PDS5A: variants seen among roughly 807,000 people sequenced by gnomAD.
The protein encoded by PDS5A is PDS5 cohesin associated factor A.
Under a neutral mutation model 167.1 loss-of-function variants are expected in PDS5A, and 42 were observed. The observed-to-expected ratio is 0.25, with a 90% CI of 0.20 to 0.33. PDS5A has a LOEUF of 0.33. PDS5A is among the 10% of genes least tolerant of loss of function. The pLI, the probability that PDS5A is intolerant of heterozygous loss-of-function variation, is 1.00. For missense variants in PDS5A, 1,033 were observed against 1,605.9 expected, an observed-to-expected ratio of 0.64 and a Z score of 6.10; for synonymous variants, 553 against 554.6, an observed-to-expected ratio of 1.00 and a Z score of 0.04.
chr4:39,942,725 A>C lies in PDS5A; in HGVS notation c.139-14561T>G, dbSNP rs75596635. ...ACAGGTATGAGTTACTACACCGTCA[A>C]CTTCCTCTTCTGAAGGGATCATTGA... On this transcript the variant is annotated intron_variant, in intron 2 of 32. Coordinates refer to ENST00000303538, the MANE Select transcript of PDS5A (RefSeq NM_001100399.2). Among the ~76,000 whole-genome samples, 3 of 152,258 alleles carry C rather than the reference A, an allele frequency of 2.0e-5. No individual in the cohort carries two copies. In the South Asian group the frequency reaches 6.2e-4, roughly 32 times the overall value.
At chr4:39,836,615 ATTTTTTTTTTT>A (rs71645192) in intron 32 of PDS5A, among the ~76,000 whole-genome samples, 2 of 106,162 alleles carry the variant, frequency 1.9e-5, no homozygotes, top group Non-Finnish European at 3.6e-5. Context: ...ATTTTTTTCT[ATTTTTTTTTTT>A]TTTTTTTTTG....
intron 26 of PDS5A, among the ~76,000 whole-genome samples, chr4:39,856,979 T>C (rs1718577145): frequency 6.6e-6 from 1 of 152,152 alleles, no homozygotes; most frequent in Non-Finnish European, 1.5e-5. Flanking sequence ...TGTGTCCATA[T>C]GCTATTGAAA....
At chr4:39,942,562 G>A (rs978498725) in intron 2 of PDS5A, among the ~76,000 whole-genome samples, 1 of 152,062 alleles carries the variant, frequency 6.6e-6, no homozygotes, top group African/African-American at 2.4e-5. Flanking sequence ...GAGAAGCTTG[G>A]ACTAAAGTCA....
chr4:39,942,115 C>T (rs1727279768), intron 2 of PDS5A, among the ~76,000 whole-genome samples: 1 of 151,736 alleles, frequency 6.6e-6, no homozygotes, highest in Admixed American at 6.6e-5. Context: ...TTCCTATGGC[C>T]GCATTCCTTA....
intron 5 of PDS5A, among the ~76,000 whole-genome samples, chr4:39,923,769 A>G (rs1725230059): frequency 6.6e-6 from 1 of 152,140 alleles, no homozygotes; most frequent in African/African-American, 2.4e-5. Context: ...ATACAATAAT[A>G]AAGGCAGACA....
intron 16 of PDS5A, among the ~76,000 whole-genome samples, chr4:39,894,609 A>G (rs1722237197): frequency 6.6e-6 from 1 of 152,166 alleles, no homozygotes; most frequent in Non-Finnish European, 1.5e-5. Flanking sequence ...GCTGAATAAA[A>G]GATACATGTT....
intron 17 of PDS5A, among the ~76,000 whole-genome samples, chr4:39,882,978 G>A (rs1424791830): frequency 6.6e-6 from 1 of 152,138 alleles, no homozygotes; most frequent in Non-Finnish European, 1.5e-5. Context: ...ACAGAAGGAA[G>A]AGTAGTAATG....
chr4:39,947,178 G>A (rs574995645), intron 2 of PDS5A, among the ~76,000 whole-genome samples: 2 of 152,290 alleles, frequency 1.3e-5, no homozygotes, highest in South Asian at 2.1e-4. Flanking sequence ...ACATGACCAG[G>A]CATGGTGGTT....
intron 2 of PDS5A, among the ~76,000 whole-genome samples, chr4:39,931,302 G>T (rs1726038661): frequency 6.6e-6 from 1 of 151,598 alleles, no homozygotes; most frequent in African/African-American, 2.4e-5. Context: ...GCCATATGGT[G>T]CCCAGGCTAA....
intron 32 of PDS5A, among the ~76,000 whole-genome samples, chr4:39,835,517 G>A (rs1183826999): frequency 6.6e-6 from 1 of 151,968 alleles, no homozygotes; most frequent in East Asian, 1.9e-4. Flanking sequence ...GCATGTATCC[G>A]TTTTTTTGTC....
intron 26 of PDS5A, among the ~76,000 whole-genome samples, chr4:39,852,867 T>A (rs1258267527): frequency 1.3e-5 from 2 of 152,226 alleles, no homozygotes; most frequent in Non-Finnish European, 2.9e-5. Context: ...CAACACGATT[T>A]CCTAATTCCT....
chr4:39,971,710 T>C (rs1444649721), intron 2 of PDS5A, among the ~76,000 whole-genome samples: 1 of 152,200 alleles, frequency 6.6e-6, no homozygotes, highest in Non-Finnish European at 1.5e-5. Context: ...TCCACCTGCC[T>C]TGGCCTCCCA....
chr4:39,959,271 T>C (rs967835774), intron 2 of PDS5A, among the ~76,000 whole-genome samples: 2 of 152,212 alleles, frequency 1.3e-5, no homozygotes, highest in South Asian at 2.1e-4. Context: ...GCCACTACTT[T>C]AGTAGGAAGT....
At chr4:39,882,862 G>A (rs1721079018) in intron 17 of PDS5A, among the ~76,000 whole-genome samples, 1 of 152,002 alleles carries the variant, frequency 6.6e-6, no homozygotes, top group Admixed American at 6.6e-5. Flanking sequence ...ACGATCTCAA[G>A]TGCCTCTTCA....
rs1339558860 is a variant in PDS5A, at chr4:39,914,598, A to G, written c.877-872T>C. On this transcript the variant is annotated intron_variant, in intron 8 of 32. Coordinates refer to ENST00000303538, the MANE Select transcript of PDS5A (RefSeq NM_001100399.2). ...GAAGGTCAGCTTAAATACTATAAAA[A>G]AGCAAAACTTCATTGTTTTCTAGTA... is the stretch of plus-strand genomic sequence containing the variant. Among the ~76,000 whole-genome samples, 4 of 152,342 alleles carry G rather than the reference A, an allele frequency of 2.6e-5. No individual in the cohort carries two copies. The East Asian group carries it at 7.7e-4, about 29-fold the overall frequency.
At chr4:39,917,240 T>A (rs1314519651) in intron 7 of PDS5A, 52 bp from the exon 8 acceptor site, 2 of 1,194,840 alleles carry the variant, frequency 1.7e-6, no homozygotes, top group Non-Finnish European at 1.2e-6. Context: ...TTTAAAAACA[T>A]GGATACATTT....
chr4:39,849,868 G>A (rs952719156), intron 26 of PDS5A, among the ~76,000 whole-genome samples: 1 of 152,092 alleles, frequency 6.6e-6, no homozygotes, highest in Non-Finnish European at 1.5e-5. Context: ...CTTAATATGA[G>A]AAAGTCTGAC....
chr4:39,951,898 C>CAAAA lies in PDS5A; in HGVS notation c.139-23738_139-23735dup, dbSNP rs1161911794. ...CTGGGTGACAGAGCAGAGTCTGTCT[C>CAAAA]AAAAAAAAAAAAAAAAAAAAAATCT... On this transcript the variant is annotated intron_variant, in intron 2 of 32. Transcript: ENST00000303538. Among the ~76,000 whole-genome samples, 212 of 68,724 alleles carry CAAAA rather than the reference C, an allele frequency of 3.1e-3. 6 individuals carry two copies. Among genetic ancestry groups the CAAAA allele is most frequent in the South Asian group, 5.4e-3 (9 of 1,664 alleles). The allele number at this position is 68,724 out of a possible 152,430, so 45.1% of individuals were successfully genotyped here.
At chr4:39,958,665 A>G (rs1729195032) in intron 2 of PDS5A, among the ~76,000 whole-genome samples, 1 of 149,880 alleles carries the variant, frequency 6.7e-6, no homozygotes, top group South Asian at 2.1e-4. Flanking sequence ...CCTAGGCTGG[A>G]GTGCAGTGGC....
Sources: allele counts gnomAD v4.1 joint callset (sites outside exome capture counted in the v4.1 genomes callset), GRCh38; gene constraint gnomAD v4.1.1; transcripts MANE v1.5; gene names NCBI Gene and HGNC (gene_info 2026-07-23, HGNC 2026-07-21).